Variants in UBAP2L observed in about 807,000 individuals in gnomAD.
The protein encoded by UBAP2L is ubiquitin associated protein 2 like.
Under a neutral mutation model 130.6 loss-of-function variants are expected in UBAP2L, and 12 were observed. That is an observed-to-expected ratio of 0.09 (90% CI 0.06 to 0.15). The LOEUF (loss-of-function observed/expected upper bound fraction) is 0.15. UBAP2L is among the 10% of genes least tolerant of loss of function. The pLI, the probability that UBAP2L is intolerant of heterozygous loss-of-function variation, is 1.00. For synonymous variants in UBAP2L, 503 were observed against 524.7 expected, an observed-to-expected ratio of 0.96 and a Z score of 0.57; for missense variants, 965 against 1,332.5, an observed-to-expected ratio of 0.72 and a Z score of 4.29.
rs774812504 is a variant in UBAP2L at position 154,251,212 on chromosome 1, C to T, written c.1385C>T (p.Ser462Leu). 1.1e-5 allele frequency: 17 copies of T among 1,614,182 alleles called. No individual in the cohort carries two copies. Among genetic ancestry groups the T allele is most frequent in the South Asian group, 2.2e-5 (2 of 91,088 alleles). ...TCTCCTCTGCCAAGCAAATCCACAT[C>T]GGCTCCACAGATGTCGCCTGGATCT... ...PSSPLPSKSTSAPQMSPGSSD... is the reference protein window; with the variant it reads ...PSSPLPSKSTLAPQMSPGSSD... Residue 462 changes from serine (S) to leucine (L), a missense_variant, in exon 13 of 27, where the codon TCG becomes TTG. Physicochemically the swap from Ser to Leu is moderately radical, Grantham distance 145. Coordinates refer to ENST00000428931, the MANE Select transcript of UBAP2L (RefSeq NM_014847.4).
rs1679090723 is a variant in UBAP2L, at chr1:154,254,872, A to T, written c.1891A>T (p.Thr631Ser). 3 of 1,596,846 alleles carry T rather than the reference A, an allele frequency of 1.9e-6. No individual in the cohort carries two copies. Among genetic ancestry groups the T allele is most frequent in the Non-Finnish European group, 2.6e-6 (3 of 1,175,786 alleles). The change falls in exon 16 of 27, where the codon ACC becomes TCC. Residue 631 changes from threonine to serine, a missense_variant. Physicochemically the swap from Thr to Ser is moderately conservative, Grantham distance 58. This residue lies in a region of UBAP2L where 393 missense variants were observed against 408.1 expected (regional missense o/e 0.96). Transcript: ENST00000428931. The stretch of plus-strand genomic sequence containing the variant: ...TTCTGTGCAGGCCACGCAGTTACAG[A>T]CCACACAATCTGTTGAAGGTGAGTG... ...FSSVQATQLQ[T>S]TQSVEGATGS...
intron 1 of UBAP2L, among the ~76,000 whole-genome samples, chr1:154,222,748 G>C (rs1372629578): frequency 6.6e-6 from 1 of 152,170 alleles, no homozygotes; most frequent in African/African-American, 2.4e-5. Flanking sequence ...CAGCTACTAA[G>C]TCATACTGCT....
upstream of UBAP2L, chr1:154,220,486 G>A: frequency 6.5e-7 from 1 of 1,539,432 alleles, no homozygotes; most frequent in East Asian, 2.2e-5. Context: ...CCGAAGCGAC[G>A]GCGCCTGGGT....
In UBAP2L at chr1:154,257,342, T is replaced by C; in HGVS notation, c.2354-4T>C. The C allele has an allele frequency of 6.2e-7, 1 of 1,614,102 alleles. No homozygotes were observed. Among genetic ancestry groups the C allele is most frequent in the Non-Finnish European group, 8.5e-7 (1 of 1,180,026 alleles). On this transcript the variant is annotated splice_region_variant and splice_polypyrimidine_tract_variant and intron_variant, in intron 19 of 26. Coordinates refer to ENST00000428931, the MANE Select transcript of UBAP2L (RefSeq NM_014847.4). ...ATGGGATAAAAATGTAATTTCTCTT[T>C]TAGGAAAAGCTCCTCCCAACCTCCC...
chr1:154,227,459 G>A (rs2148495632), intron 3 of UBAP2L, 100 bp downstream of exon 3: 1 of 1,042,670 alleles, frequency 9.6e-7, no homozygotes. Flanking sequence ...TTCTACTATA[G>A]GTATTGAAAG....
At chr1:154,228,211 G>A (rs148859214) in intron 3 of UBAP2L, among the ~76,000 whole-genome samples, 5 of 150,654 alleles carry the variant, frequency 3.3e-5, no homozygotes, top group Non-Finnish European at 7.4e-5. Flanking sequence ...ATTTTGAGAC[G>A]GAGTCTTGCT....
intron 21 of UBAP2L, chr1:154,259,698 T>C (rs934293903): frequency 4.1e-5 from 25 of 610,170 alleles, no homozygotes; most frequent in Non-Finnish European, 7.1e-5. Context: ...AAAATATTGG[T>C]CCTCGTGGAC....
At chr1:154,220,528 G>C (rs1665531683), upstream of UBAP2L, 1 of 1,099,254 alleles carries the variant, frequency 9.1e-7, no homozygotes, top group African/African-American at 1.5e-5. Flanking sequence ...TTCCTTACGG[G>C]GGAAGACCAA....
At chr1:154,249,664 G>C (rs893479187) in intron 12 of UBAP2L, among the ~76,000 whole-genome samples, 9 of 152,042 alleles carry the variant, frequency 5.9e-5, no homozygotes, top group African/African-American at 2.2e-4. Flanking sequence ...GGCTGGGCAT[G>C]GTAGCTTACA....
At chr1:154,261,957 A>G (rs1270215315) in intron 24 of UBAP2L, among the ~76,000 whole-genome samples, 1 of 152,188 alleles carries the variant, frequency 6.6e-6, no homozygotes, top group African/African-American at 2.4e-5. Flanking sequence ...TGGTTGGCCA[A>G]AAGTGTGGGT....
At chr1:154,253,635 G>A (rs1274148510) in intron 14 of UBAP2L, among the ~76,000 whole-genome samples, 1 of 152,072 alleles carries the variant, frequency 6.6e-6, no homozygotes, top group East Asian at 1.9e-4. Context: ...ACCTTCCAAA[G>A]TGCTGGGATT....
At chr1:154,234,793 G>A in intron 5 of UBAP2L, 34 bp downstream of exon 5, 2 of 1,557,808 alleles carry the variant, frequency 1.3e-6, no homozygotes, top group Non-Finnish European at 1.7e-6. Flanking sequence ...CCAGCTGTGG[G>A]TCAGTAATGT....
chr1:154,257,299 G>A, intron 19 of UBAP2L, 41 bp downstream of exon 19: 2 of 1,614,154 alleles, frequency 1.2e-6, no homozygotes, highest in Non-Finnish European at 8.5e-7. Context: ...TGGGATGGAG[G>A]AGGTAAGTAA....
chr1:154,269,395 C>T (rs1301656949), intron 26 of UBAP2L: 6 of 1,312,734 alleles, frequency 4.6e-6, no homozygotes, highest in South Asian at 3.7e-5. Flanking sequence ...CTGTTGCCAG[C>T]GCCAGCAGGA....
chr1:154,235,353 G>A, intron 6 of UBAP2L, 62 bp downstream of exon 6: 1 of 684,600 alleles, frequency 1.5e-6, no homozygotes, highest in South Asian at 1.6e-5. Context: ...TTAATGGTCT[G>A]CTTTATTTTT....
chr1:154,250,008 T>A (rs1310087686), intron 12 of UBAP2L, among the ~76,000 whole-genome samples: 2 of 152,208 alleles, frequency 1.3e-5, no homozygotes, highest in Non-Finnish European at 2.9e-5. Context: ...TTCTTAGGCT[T>A]AGCCATCTTA....
chr1:154,220,734 G>A (rs1010561395), upstream of UBAP2L: 8 of 349,968 alleles, frequency 2.3e-5, no homozygotes, highest in Admixed American at 4.3e-5. Context: ...GGGCCGCCGT[G>A]AAGGAGGCGG....
In UBAP2L at chr1:154,243,203, C is replaced by A; in HGVS notation, c.757-14C>A. On this transcript the variant is annotated splice_polypyrimidine_tract_variant and intron_variant, in intron 9 of 26. Transcript: ENST00000428931. ...TCCCTGACACCAAGAGTGACTAATC[C>A]CTCTGTTTTCCAGCTTTCTGAGACC... 1 of 1,602,760 alleles carries A rather than the reference C, an allele frequency of 6.2e-7. No individual in the cohort carries two copies. Among genetic ancestry groups the A allele is most frequent in the South Asian group, 1.1e-5 (1 of 90,838 alleles).
chr1:154,225,975 A>G (rs1667806187), intron 2 of UBAP2L, among the ~76,000 whole-genome samples: 1 of 152,124 alleles, frequency 6.6e-6, no homozygotes, highest in Non-Finnish European at 1.5e-5. Context: ...TACCATGCCC[A>G]GCTAATTTTT....
Sources: gnomAD v4.1 joint callset for allele counts (sites outside exome capture counted in the v4.1 genomes callset) on GRCh38, gnomAD v4.1.1 for gene constraint, gnomAD v4.1.1 regional missense constraint, MANE v1.5 for transcripts, NCBI Gene and HGNC (gene_info 2026-07-23, HGNC 2026-07-21) for gene names.